Variants in MACROD2 observed in about 807,000 individuals in gnomAD.
The protein encoded by MACROD2 is mono-ADP ribosylhydrolase 2.
In MACROD2, 36 loss-of-function variants were observed where a neutral mutation model predicts 70.4. The observed-to-expected ratio is 0.51, with a 90% confidence interval of 0.39 to 0.68. MACROD2 has a LOEUF of 0.68. Ranked by LOEUF, MACROD2 falls within the 30% of genes least tolerant of loss-of-function variation. MACROD2 has a pLI of 0.00. For missense variants in MACROD2, 496 were observed against 538.4 expected, an observed-to-expected ratio of 0.92 and a Z score of 0.78; for synonymous variants, 172 against 178.8, an observed-to-expected ratio of 0.96 and a Z score of 0.30.
intron 6 of MACROD2, among the ~76,000 whole-genome samples, chr20:15,245,081 T>C (rs1313990133): frequency 6.6e-6 from 1 of 152,226 alleles, no homozygotes; most frequent in African/African-American, 2.4e-5. Flanking sequence ...ATGGTAGTGT[T>C]AATGTGAGAC....
intron 5 of MACROD2, among the ~76,000 whole-genome samples, chr20:15,052,248 A>G (rs2075448239): frequency 6.6e-6 from 1 of 152,060 alleles, no homozygotes. Flanking sequence ...TTAGCCATCT[A>G]TCTTTGTGTT....
At chr20:14,240,878 C>G (rs2081923225) in intron 3 of MACROD2, among the ~76,000 whole-genome samples, 1 of 152,200 alleles carries the variant, frequency 6.6e-6, no homozygotes, top group Non-Finnish European at 1.5e-5. Flanking sequence ...TGCCTGTAAT[C>G]TCAGCACTTT....
chr20:15,413,559 G>C lies in MACROD2; in HGVS notation c.541-17846G>C, dbSNP rs571027647. 1.2e-3 allele frequency among the ~76,000 whole-genome samples: 181 copies of C among 152,318 alleles called. 2 individuals carry two copies. The highest frequency in any genetic ancestry group is 2.0e-3 in the Non-Finnish European group (133 of 68,020). Reference sequence around the variant, plus strand: ...CCTCAGTTAGAAACTACACAAGGGAGAAAAGTTATATGTGATTGGGGAGTG... The same window carrying C: ...CCTCAGTTAGAAACTACACAAGGGACAAAAGTTATATGTGATTGGGGAGTG... On this transcript the variant is annotated intron_variant, in intron 6 of 17. Coordinates refer to ENST00000684519, the MANE Select transcript of MACROD2 (RefSeq NM_001351661.2).
chr20:14,456,771 C>T (rs993826735), intron 3 of MACROD2, among the ~76,000 whole-genome samples: 6 of 128,388 alleles, frequency 4.7e-5, no homozygotes, highest in Non-Finnish European at 9.3e-5. Context: ...GGCTGGAGTG[C>T]AGTGGTGCGA....
intron 9 of MACROD2, among the ~76,000 whole-genome samples, chr20:15,883,252 G>T (rs1320175845): frequency 1.3e-5 from 2 of 151,908 alleles, no homozygotes; most frequent in African/African-American, 4.8e-5. Flanking sequence ...CTCTCTCTGA[G>T]ATTCCAGAGA....
At chr20:14,682,404 T>C (rs979838975) in intron 4 of MACROD2, among the ~76,000 whole-genome samples, 1 of 151,576 alleles carries the variant, frequency 6.6e-6, no homozygotes, top group Non-Finnish European at 1.5e-5. Flanking sequence ...TTTCAGTACA[T>C]ATATATATGT....
intron 4 of MACROD2, among the ~76,000 whole-genome samples, chr20:14,635,768 A>G (rs1302382490): frequency 6.6e-6 from 1 of 152,192 alleles, no homozygotes; most frequent in African/African-American, 2.4e-5. Context: ...CAAATAATGA[A>G]TGTTACATGT....
chr20:14,709,152 C>A (rs756030824), intron 5 of MACROD2, among the ~76,000 whole-genome samples: 29 of 152,074 alleles, frequency 1.9e-4, no homozygotes, highest in Non-Finnish European at 3.7e-4. Context: ...GACTGAGGAA[C>A]AAATGTAGCA....
At chr20:15,193,184 G>A (rs2076583148) in intron 5 of MACROD2, among the ~76,000 whole-genome samples, 1 of 151,800 alleles carries the variant, frequency 6.6e-6, no homozygotes, top group African/African-American at 2.4e-5. Flanking sequence ...TCTTTATCTT[G>A]TTTTCTTATA....
At chr20:15,080,905 C>T (rs1395053810) in intron 5 of MACROD2, among the ~76,000 whole-genome samples, 1 of 152,066 alleles carries the variant, frequency 6.6e-6, no homozygotes, top group Non-Finnish European at 1.5e-5. Flanking sequence ...CTCGCCTTTT[C>T]TCCCTCTCTC....
At chr20:14,413,888 A>G (rs1253726867) in intron 3 of MACROD2, among the ~76,000 whole-genome samples, 1 of 73,876 alleles carries the variant, frequency 1.4e-5, no homozygotes, top group East Asian at 4.4e-4. Context: ...TGCAACATTT[A>G]TATACTCAGT....
At chr20:15,570,278 C>T (rs1420437) in intron 8 of MACROD2, among the ~76,000 whole-genome samples, 27,770 of 151,990 alleles carry the variant, frequency 0.18, 5,570 homozygotes, top group African/African-American at 0.48. Context: ...TTTTAATTTG[C>T]GTTTTCTTGA....
intron 4 of MACROD2, among the ~76,000 whole-genome samples, chr20:14,646,496 T>C (rs1985398308): frequency 6.6e-6 from 1 of 152,092 alleles, no homozygotes; most frequent in Admixed American, 6.6e-5. Flanking sequence ...TATCCAACTA[T>C]AGCAAGATAA....
intron 5 of MACROD2, among the ~76,000 whole-genome samples, chr20:15,154,051 T>TC (rs1414457701): frequency 6.6e-6 from 1 of 152,184 alleles, no homozygotes; most frequent in Non-Finnish European, 1.5e-5. Context: ...CAATAGACTA[T>TC]CCCCTACCTG....
chr20:14,245,429 A>T (rs542553884), intron 3 of MACROD2, among the ~76,000 whole-genome samples: 7 of 152,208 alleles, frequency 4.6e-5, no homozygotes, highest in African/African-American at 7.2e-5. Flanking sequence ...CACATCAACC[A>T]TGGAAATTAA....
At chr20:15,380,617 C>T (rs1000111080) in intron 6 of MACROD2, among the ~76,000 whole-genome samples, 2 of 152,092 alleles carry the variant, frequency 1.3e-5, no homozygotes, top group South Asian at 2.1e-4. Flanking sequence ...ATACTACATA[C>T]ACAGTGATGT....
chr20:15,364,734 G>C (rs1247917449), intron 6 of MACROD2, among the ~76,000 whole-genome samples: 2 of 152,198 alleles, frequency 1.3e-5, no homozygotes, highest in Non-Finnish European at 2.9e-5. Flanking sequence ...AGATAGCTTA[G>C]AGCCAGCACA....
In MACROD2 at chr20:15,601,601, C is replaced by T. The variant is rs548407136; in HGVS notation, c.645+101754C>T. Among the ~76,000 whole-genome samples, 120 of 152,206 alleles carry T rather than the reference C, an allele frequency of 7.9e-4. 1 individual carries two copies. The highest frequency in any genetic ancestry group is 1.4e-3 in the Non-Finnish European group (98 of 68,050). On this transcript the variant is annotated intron_variant, in intron 8 of 17. Transcript: ENST00000684519. ...GGCCTGCTATCCAGTGATCGGTGAT[C>T]ACCTTACCGTTAGTTTATTGGCTCT...
At chr20:14,263,099 A>T (rs950276779) in intron 3 of MACROD2, among the ~76,000 whole-genome samples, 68 of 152,160 alleles carry the variant, frequency 4.5e-4, no homozygotes, top group African/African-American at 1.4e-3. Flanking sequence ...AACCATGTGG[A>T]GGGTGACTTT....
Sources: allele counts gnomAD v4.1 joint callset (sites outside exome capture counted in the v4.1 genomes callset), GRCh38; gene constraint gnomAD v4.1.1; transcripts MANE v1.5; gene names NCBI Gene and HGNC (gene_info 2026-07-23, HGNC 2026-07-21).